GRM7: variants seen among roughly 807,000 people sequenced by gnomAD.
GRM7 encodes metabotropic glutamate receptor 7.
GRM7 carries 35 observed loss-of-function variants against 84.5 expected under a neutral mutation model. That is an observed-to-expected ratio of 0.41 (90% CI 0.32 to 0.55). GRM7 has a LOEUF of 0.55. Among genes scored for constraint, GRM7 ranks in the 20% least tolerant of loss-of-function variants. The pLI is 0.19. For missense variants in GRM7, 1,003 were observed against 1,194.6 expected, an observed-to-expected ratio of 0.84 and a Z score of 2.36; for synonymous variants, 487 against 455.1, an observed-to-expected ratio of 1.07 and a Z score of -0.89.
chr3:7,500,176 A>C (rs373998980), intron 7 of GRM7, among the ~76,000 whole-genome samples: 4 of 152,176 alleles, frequency 2.6e-5, no homozygotes, highest in African/African-American at 9.7e-5. Context: ...TATCTTCTTG[A>C]ATTCACTATG....
At chr3:7,159,393 G>A (rs1032642238) in intron 2 of GRM7, among the ~76,000 whole-genome samples, 23 of 152,138 alleles carry the variant, frequency 1.5e-4, no homozygotes, top group Non-Finnish European at 5.9e-5. Context: ...TAGGGAACAA[G>A]GGTGAGACTA....
chr3:7,281,073 T>C (rs1049168848), intron 2 of GRM7, among the ~76,000 whole-genome samples: 6 of 152,180 alleles, frequency 3.9e-5, no homozygotes, highest in African/African-American at 1.2e-4. Flanking sequence ...TGCTCTCAAG[T>C]TTTCTTAAGC....
chr3:6,929,819 C>T (rs1697436521), intron 1 of GRM7, among the ~76,000 whole-genome samples: 1 of 152,058 alleles, frequency 6.6e-6, no homozygotes, highest in Non-Finnish European at 1.5e-5. Context: ...ACGGCACACA[C>T]TGTCCAGGTG....
chr3:7,151,892 A>G lies in GRM7; in HGVS notation c.736+5224A>G, dbSNP rs190896103. 3.3e-3 allele frequency among the ~76,000 whole-genome samples: 497 copies of G among 149,366 alleles called. 1 individual carries two copies. Among genetic ancestry groups the G allele is most frequent in the African/African-American group, 0.012 (469 of 39,596 alleles). On this transcript the variant is annotated intron_variant, in intron 2 of 9. Coordinates refer to ENST00000357716, the MANE Select transcript of GRM7 (RefSeq NM_000844.4). The surrounding 1 kb of genome is among the most constrained non-coding windows in gnomAD (Gnocchi z 4.5). ...GTGCAACCAGGCTGTAATTCCTAAT[A>G]CCACCATCTATATTGAATTCTGTTT...
At chr3:7,403,042 C>A in intron 4 of GRM7, 1 of 251,250 alleles carries the variant, frequency 4.0e-6, no homozygotes, top group South Asian at 4.5e-5. Flanking sequence ...ATTTTTAGAC[C>A]AGAGTACAAA....
At chr3:7,734,858 G>C (rs966254629) in intron 9 of GRM7, among the ~76,000 whole-genome samples, 4 of 152,166 alleles carry the variant, frequency 2.6e-5, no homozygotes, top group African/African-American at 9.7e-5. Context: ...GGATTTAAGA[G>C]AGATCATTAT....
chr3:7,007,859 C>G (rs990827365), intron 1 of GRM7, among the ~76,000 whole-genome samples: 1 of 152,130 alleles, frequency 6.6e-6, no homozygotes, highest in African/African-American at 2.4e-5. Flanking sequence ...GATTTCAGTA[C>G]TGGGAAATAG....
At chr3:6,906,308 A>G (rs1254780576) in intron 1 of GRM7, among the ~76,000 whole-genome samples, 9 of 152,180 alleles carry the variant, frequency 5.9e-5, no homozygotes, top group Non-Finnish European at 2.9e-5. Flanking sequence ...AACAAGTTAC[A>G]TGCTGAAGCT....
chr3:6,862,571 C>A lies in GRM7; in HGVS notation c.519+664C>A, dbSNP rs2124925954. Among the ~76,000 whole-genome samples the A allele has an allele frequency of 3.3e-5, 5 of 152,294 alleles. No individual in the cohort carries two copies. The East Asian group carries it at 9.7e-4, about 30-fold the overall frequency. ...GCAGACGTGACCCCCGGTTGGTTTG[C>A]TCCGGGCAATATTTTGCACCGTCTA... On this transcript the variant is annotated intron_variant, in intron 1 of 9. Coordinates refer to ENST00000357716, the MANE Select transcript of GRM7 (RefSeq NM_000844.4). This position sits in a 1 kb window ranked among gnomAD's most constrained non-coding sequence, Gnocchi z 5.2.
At chr3:7,402,223 G>T (rs376859636) in intron 4 of GRM7, among the ~76,000 whole-genome samples, 2 of 152,182 alleles carry the variant, frequency 1.3e-5, no homozygotes, top group African/African-American at 2.4e-5. Context: ...CCAAGGAAGA[G>T]AATCTGGTTG....
At chr3:7,424,478 A>G (rs1696523331) in intron 5 of GRM7, among the ~76,000 whole-genome samples, 2 of 152,150 alleles carry the variant, frequency 1.3e-5, no homozygotes, top group African/African-American at 4.8e-5. Flanking sequence ...GTTGATCCCC[A>G]TATCAGCCTT....
intron 2 of GRM7, among the ~76,000 whole-genome samples, chr3:7,224,709 T>G (rs1234977721): frequency 6.6e-6 from 1 of 152,202 alleles, no homozygotes; most frequent in Non-Finnish European, 1.5e-5. Context: ...GGCATGTGCT[T>G]TCATTTCAAG....
intron 9 of GRM7, among the ~76,000 whole-genome samples, chr3:7,738,181 A>G (rs1010928643): frequency 6.6e-6 from 1 of 152,156 alleles, no homozygotes; most frequent in Non-Finnish European, 1.5e-5. Flanking sequence ...CAACGAGTTC[A>G]TTATCAAGAC....
chr3:6,918,237 ACT>A (rs1186489360), intron 1 of GRM7, among the ~76,000 whole-genome samples: 1 of 152,094 alleles, frequency 6.6e-6, no homozygotes, highest in African/African-American at 2.4e-5. Flanking sequence ...CACAGGAATG[ACT>A]CAAAGTTCAG....
chr3:7,229,707 C>G (rs188413398), intron 2 of GRM7, among the ~76,000 whole-genome samples: 22 of 97,022 alleles, frequency 2.3e-4, no homozygotes, highest in African/African-American at 7.8e-4. Flanking sequence ...TCCCCAACCC[C>G]GCTCTCCATA....
At chr3:7,229,270 CATTAG>C (rs1485259911) in intron 2 of GRM7, among the ~76,000 whole-genome samples, 1 of 152,074 alleles carries the variant, frequency 6.6e-6, no homozygotes, top group Non-Finnish European at 1.5e-5. Flanking sequence ...ATATTCTTAT[CATTAG>C]ATAACTTTTT....
At chr3:7,200,091 G>A (rs1185299291) in intron 2 of GRM7, among the ~76,000 whole-genome samples, 1 of 152,192 alleles carries the variant, frequency 6.6e-6, no homozygotes, top group Non-Finnish European at 1.5e-5. Context: ...GGATCACATG[G>A]TGAGGGAGGT....
intron 7 of GRM7, among the ~76,000 whole-genome samples, chr3:7,572,753 C>T (rs113463174): frequency 0.059 from 8,615 of 144,918 alleles, 410 homozygotes; most frequent in Non-Finnish European, 0.091. Context: ...ACCTGGAAGG[C>T]GGAGCTTGCA....
At chr3:7,612,107 G>C (rs1254708478) in intron 8 of GRM7, among the ~76,000 whole-genome samples, 1 of 152,034 alleles carries the variant, frequency 6.6e-6, no homozygotes, top group Non-Finnish European at 1.5e-5. Context: ...TAATTCTGTT[G>C]TCATGGTATT....
Sources: gnomAD v4.1 joint callset for allele counts (sites outside exome capture counted in the v4.1 genomes callset) on GRCh38, gnomAD v4.1.1 for gene constraint, Gnocchi (gnomAD v3.1) non-coding constraint, MANE v1.5 for transcripts, NCBI Gene and HGNC (gene_info 2026-07-23, HGNC 2026-07-21) for gene names.